Variants in ZFPM2 observed in about 807,000 individuals in gnomAD.
The protein encoded by ZFPM2 is zinc finger protein, FOG family member 2.
A neutral mutation model predicts 98.6 loss-of-function variants in ZFPM2; 20 were observed. The ratio of observed to expected loss-of-function variants is 0.20; its 90% CI spans 0.14 to 0.29. The LOEUF (loss-of-function observed/expected upper bound fraction) is 0.29, where lower values mean the gene tolerates loss of function less well. Among genes scored for constraint, ZFPM2 ranks in the 10% least tolerant of loss-of-function variants. The probability of loss-of-function intolerance (pLI) is 1.00; values close to 1 mark genes in which losing one functional copy is unlikely to be tolerated. For missense variants in ZFPM2, 1,310 were observed against 1,388.6 expected, an observed-to-expected ratio of 0.94 and a Z score of 0.90; for synonymous variants, 518 against 502.7, an observed-to-expected ratio of 1.03 and a Z score of -0.41.
At chr8:105,336,186 TGTGTC>T (rs1192975757) in intron 1 of ZFPM2, among the ~76,000 whole-genome samples, 2 of 151,762 alleles carry the variant, frequency 1.3e-5, no homozygotes, top group African/African-American at 2.4e-5. Context: ...GCCACTTCCT[TGTGTC>T]GTGTCCTTTT....
intron 5 of ZFPM2, among the ~76,000 whole-genome samples, chr8:105,708,280 A>G (rs1297580859): frequency 3.3e-5 from 5 of 152,208 alleles, no homozygotes; most frequent in Non-Finnish European, 5.9e-5. Flanking sequence ...TTAAATATTA[A>G]CTGGTCTAGT....
chr8:105,747,027 C>G (rs1372426390), intron 5 of ZFPM2, among the ~76,000 whole-genome samples: 1 of 151,886 alleles, frequency 6.6e-6, no homozygotes, highest in Non-Finnish European at 1.5e-5. Context: ...CTTCAAATAG[C>G]AATTAAGTAT....
intron 3 of ZFPM2, among the ~76,000 whole-genome samples, chr8:105,560,765 A>C (rs1284309740): frequency 6.6e-6 from 1 of 152,122 alleles, no homozygotes; most frequent in African/African-American, 2.4e-5. Context: ...GACCTTCCAA[A>C]GCTGGTTATT....
chr8:105,711,250 C>T (rs1465299047), intron 5 of ZFPM2, among the ~76,000 whole-genome samples: 5 of 152,188 alleles, frequency 3.3e-5, no homozygotes, highest in Middle Eastern at 3.4e-3. Context: ...CCAAAGTATC[C>T]GTTAGAGCTG....
intron 1 of ZFPM2, among the ~76,000 whole-genome samples, chr8:105,393,337 C>CTTT (rs1554600680): frequency 0.028 from 3,197 of 114,742 alleles, 71 homozygotes; most frequent in South Asian, 0.043. Context: ...TCTCTCTTTG[C>CTTT]CTTTCTTTCT....
chr8:105,424,256 G>A (rs1811861554), intron 2 of ZFPM2, among the ~76,000 whole-genome samples: 1 of 152,128 alleles, frequency 6.6e-6, no homozygotes, highest in African/African-American at 2.4e-5. Flanking sequence ...ATTGTTTGCT[G>A]ATGTTATGAT....
intron 5 of ZFPM2, among the ~76,000 whole-genome samples, chr8:105,711,066 G>T (rs527803596): frequency 6.6e-6 from 1 of 151,984 alleles, no homozygotes; most frequent in East Asian, 1.9e-4. Flanking sequence ...TTTTTTAAAA[G>T]TATTCCTTTA....
intron 5 of ZFPM2, among the ~76,000 whole-genome samples, chr8:105,685,591 G>T (rs143434300): frequency 6.6e-6 from 1 of 151,838 alleles, no homozygotes; most frequent in East Asian, 1.9e-4. Context: ...TCCCAGCAAT[G>T]CCCTAGTATC....
At chr8:105,556,156 G>A (rs1180506794) in intron 3 of ZFPM2, among the ~76,000 whole-genome samples, 1 of 152,164 alleles carries the variant, frequency 6.6e-6, no homozygotes, top group Non-Finnish European at 1.5e-5. Flanking sequence ...TGGAGCTGTA[G>A]AATGAATTGA....
At chr8:105,471,141 T>A (rs1446176567) in intron 3 of ZFPM2, among the ~76,000 whole-genome samples, 3 of 152,184 alleles carry the variant, frequency 2.0e-5, no homozygotes, top group African/African-American at 7.2e-5. Flanking sequence ...GCGTTAGGGA[T>A]GTTCTCTTGT....
At chr8:105,678,193 A>T (rs1329229863) in intron 5 of ZFPM2, among the ~76,000 whole-genome samples, 2 of 152,148 alleles carry the variant, frequency 1.3e-5, no homozygotes, top group Non-Finnish European at 2.9e-5. Flanking sequence ...TCTCAAGTAG[A>T]ACATTAGGCT....
At chr8:105,359,116 G>A (rs1468986370) in intron 1 of ZFPM2, among the ~76,000 whole-genome samples, 1 of 152,032 alleles carries the variant, frequency 6.6e-6, no homozygotes, top group Non-Finnish European at 1.5e-5. Context: ...GATCATGGGG[G>A]CAATTTTCCC....
chr8:105,589,042 G>A (rs547748753), intron 4 of ZFPM2, among the ~76,000 whole-genome samples: 19 of 152,268 alleles, frequency 1.2e-4, no homozygotes, highest in African/African-American at 3.1e-4. Flanking sequence ...GTTACAAAGC[G>A]GTTAGCCTGG....
intron 4 of ZFPM2, among the ~76,000 whole-genome samples, chr8:105,605,858 G>A (rs1239481494): frequency 6.6e-6 from 1 of 151,990 alleles, no homozygotes; most frequent in Non-Finnish European, 1.5e-5. Flanking sequence ...TTTCTTGGCT[G>A]CCCAGCAAGT....
chr8:105,669,892 T>C (rs1158992204), intron 5 of ZFPM2: 2 of 152,114 alleles, frequency 1.3e-5, no homozygotes, highest in Non-Finnish European at 2.9e-5. Context: ...AAAATGACTT[T>C]ACATAAAGTC....
At chr8:105,758,751 G>T (rs995177377) in intron 5 of ZFPM2, among the ~76,000 whole-genome samples, 1 of 152,004 alleles carries the variant, frequency 6.6e-6, no homozygotes, top group African/African-American at 2.4e-5. Context: ...ATATAAGAGT[G>T]TTATAGAAAG....
At chr8:105,565,191 A>G (rs771047692) in intron 4 of ZFPM2, among the ~76,000 whole-genome samples, 1 of 152,134 alleles carries the variant, frequency 6.6e-6, no homozygotes, top group Non-Finnish European at 1.5e-5. Flanking sequence ...GCAATATGCC[A>G]CCTTCTGCAG....
chr8:105,393,315 TC>T (rs1811143920), intron 1 of ZFPM2, among the ~76,000 whole-genome samples: 1 of 122,036 alleles, frequency 8.2e-6, no homozygotes, highest in South Asian at 2.9e-4. Context: ...CTTCCTTTCT[TC>T]CTTCCCTCTC....
intron 5 of ZFPM2, among the ~76,000 whole-genome samples, chr8:105,746,654 A>ATTTT (rs1563546914): frequency 1.8e-5 from 2 of 112,012 alleles, no homozygotes; most frequent in Admixed American, 9.6e-5. Flanking sequence ...TGTTTTTAAA[A>ATTTT]ATTTTTTTTT....
Sources: gnomAD v4.1 joint callset for allele counts (sites outside exome capture counted in the v4.1 genomes callset) on GRCh38, gnomAD v4.1.1 for gene constraint, MANE v1.5 for transcripts, NCBI Gene and HGNC (gene_info 2026-07-23, HGNC 2026-07-21) for gene names.